Variants in ACSL3 observed in about 807,000 individuals in gnomAD.
ACSL3 encodes the protein acyl-CoA synthetase long chain family member 3.
ACSL3 carries 34 observed loss-of-function variants against 84.7 expected under a neutral mutation model. The observed-to-expected ratio is 0.40, with a 90% CI of 0.31 to 0.53. ACSL3 has a LOEUF of 0.53. Among genes scored for constraint, ACSL3 ranks in the 20% least tolerant of loss-of-function variants. The probability of loss-of-function intolerance (pLI) is 0.48; values close to 1 mark genes in which losing one functional copy is unlikely to be tolerated. For synonymous variants in ACSL3, 315 were observed against 299.4 expected, an observed-to-expected ratio of 1.05 and a Z score of -0.54; for missense variants, 680 against 873.1, an observed-to-expected ratio of 0.78 and a Z score of 2.79.
chr2:222,879,504 G>A lies in ACSL3; in HGVS notation c.-206-8326G>A, dbSNP rs889709264. ...TCCCTGTTAGGCAGGAGTGAAGGAG[G>A]AATAAGAGCCTGGAGGGATTTATTC... On this transcript the variant is annotated intron_variant, in intron 1 of 16. Transcript: ENST00000357430. 3.9e-5 allele frequency among the ~76,000 whole-genome samples: 6 copies of A among 152,246 alleles called. No individual in the cohort carries two copies. The South Asian group carries it at 6.2e-4, about 16-fold the overall frequency.
chr2:222,923,272 T>A (rs951127912), intron 10 of ACSL3, 123 bp downstream of exon 10: 17 of 803,028 alleles, frequency 2.1e-5, no homozygotes, highest in Non-Finnish European at 2.2e-5. Flanking sequence ...CCTTATTGAT[T>A]ATAAATATTG....
chr2:222,879,591 T>C (rs1695538965), intron 1 of ACSL3, among the ~76,000 whole-genome samples: 1 of 152,218 alleles, frequency 6.6e-6, no homozygotes, highest in African/African-American at 2.4e-5. Flanking sequence ...ATTTTGACAG[T>C]CCTCTTAGCT....
At chr2:222,886,297 A>G (rs1163587866) in intron 1 of ACSL3, among the ~76,000 whole-genome samples, 2 of 151,338 alleles carry the variant, frequency 1.3e-5, no homozygotes, top group Admixed American at 6.6e-5. Context: ...TCATTCTTCA[A>G]CTCCCACTTA....
At chr2:222,931,248 T>A (rs1377516958) in intron 14 of ACSL3, among the ~76,000 whole-genome samples, 1 of 152,066 alleles carries the variant, frequency 6.6e-6, no homozygotes. Flanking sequence ...TAAAAGTTAA[T>A]GGCATTTCAG....
chr2:222,942,944 T>C lies in ACSL3; in HGVS notation c.*1290T>C, dbSNP rs1174068470. On this transcript the variant is annotated 3_prime_UTR_variant, in exon 17 of 17. Coordinates refer to ENST00000357430, the MANE Select transcript of ACSL3 (RefSeq NM_004457.5). ...TTCATTTATTACTGCTTGTCTGTTG[T>C]TATATCTGGATTATCAAAAGCAATA... 3 of 225,040 alleles carry C rather than the reference T, an allele frequency of 1.3e-5. No individual in the cohort carries two copies. The highest frequency in any genetic ancestry group is 2.2e-5 in the African/African-American group (1 of 44,908). The allele number at this position is 225,040 out of a possible 1,614,324, so 13.9% of individuals were successfully genotyped here.
chr2:222,876,989 T>G (rs745524553), intron 1 of ACSL3, among the ~76,000 whole-genome samples: 33 of 152,122 alleles, frequency 2.2e-4, no homozygotes, highest in Non-Finnish European at 4.4e-4. Context: ...GGATAGAGCA[T>G]AGTTTTTCTG....
At chr2:222,870,015 T>C (rs943604453) in intron 1 of ACSL3, among the ~76,000 whole-genome samples, 2 of 152,072 alleles carry the variant, frequency 1.3e-5, no homozygotes, top group African/African-American at 4.8e-5. Flanking sequence ...GGAGGAGCTT[T>C]GAAGGTCTGG....
chr2:222,923,405 A>G (rs1365892676), intron 10 of ACSL3, among the ~76,000 whole-genome samples: 1 of 152,230 alleles, frequency 6.6e-6, no homozygotes, highest in African/African-American at 2.4e-5. Flanking sequence ...CCTTCTTGTT[A>G]AAATAAAAAT....
Position 222,901,964 on chromosome 2 carries a change from A to AAG in ACSL3, c.-41+1184_-41+1185insAG, listed in dbSNP as rs57522671. The stretch of plus-strand genomic sequence containing the variant: ...GTCTCAAAAAAAAAAAAAAAAAAAA[A>AAG]GAACTCAAATATTGTTGAGGTAGCA... On this transcript the variant is annotated intron_variant, in intron 3 of 16. Coordinates refer to ENST00000357430, the MANE Select transcript of ACSL3 (RefSeq NM_004457.5). Among the ~76,000 whole-genome samples the AAG allele has an allele frequency of 2.0e-5, 2 of 99,456 alleles. 1 individual carries two copies. The highest frequency in any genetic ancestry group is 3.6e-5 in the Non-Finnish European group (2 of 55,488). 65.2% of individuals were successfully genotyped at this position (99,456 alleles called of 152,430 possible). A position where few individuals can be genotyped will look rare whatever the true frequency, so the allele number is the denominator to read the frequency against.
intron 1 of ACSL3, among the ~76,000 whole-genome samples, chr2:222,883,473 A>G (rs795884): frequency 0.82 from 125,013 of 152,146 alleles, 51,631 homozygotes; most frequent in East Asian, 0.97. Context: ...GTGAGCCACC[A>G]TGCCCAGCCA....
chr2:222,908,843 AT>A lies in ACSL3; in HGVS notation c.75del (p.Phe25LeufsTer5). 6.2e-7 allele frequency: 1 copy of A among 1,603,936 alleles called. No individual in the cohort carries two copies. The highest frequency in any genetic ancestry group is 8.5e-7 in the Non-Finnish European group (1 of 1,173,670). On this transcript the variant is annotated frameshift_variant, in exon 4 of 17. Coordinates refer to ENST00000357430, the MANE Select transcript of ACSL3 (RefSeq NM_004457.5). LOFTEE classifies it high-confidence loss of function. ...CATACCATCAACCCTATTCTTTTAT[AT>A]TTTATACATTTTCTAATATCACTTT... ...LKHTINPILL[Y>X]FIHFLISLYT... is the part of the protein sequence containing the mutation.
chr2:222,912,698 A>T (rs1358843446), intron 4 of ACSL3, among the ~76,000 whole-genome samples: 1 of 151,868 alleles, frequency 6.6e-6, no homozygotes, highest in Admixed American at 6.6e-5. Context: ...TCCTGAGGGG[A>T]GGATGAGTGG....
intron 3 of ACSL3, among the ~76,000 whole-genome samples, chr2:222,905,784 T>C (rs956294652): frequency 6.6e-6 from 1 of 152,068 alleles, no homozygotes; most frequent in Non-Finnish European, 1.5e-5. Context: ...TCATCAGCTG[T>C]GCATGAGCAA....
At chr2:222,873,121 T>C (rs910122613) in intron 1 of ACSL3, among the ~76,000 whole-genome samples, 1 of 152,216 alleles carries the variant, frequency 6.6e-6, no homozygotes, top group Non-Finnish European at 1.5e-5. Context: ...AGTTTAAATT[T>C]TATTATTACA....
chr2:222,937,399 A>T (rs184774869), intron 16 of ACSL3, among the ~76,000 whole-genome samples: 1 of 152,212 alleles, frequency 6.6e-6, no homozygotes, highest in African/African-American at 2.4e-5. Flanking sequence ...ATGAAAGTGG[A>T]GTATTGAAGT....
At chr2:222,884,996 T>C (rs1231857278) in intron 1 of ACSL3, among the ~76,000 whole-genome samples, 1 of 152,246 alleles carries the variant, frequency 6.6e-6, no homozygotes, top group Non-Finnish European at 1.5e-5. Context: ...TTTTGCCACG[T>C]TAAAGTGATT....
intron 14 of ACSL3, among the ~76,000 whole-genome samples, chr2:222,931,361 C>T (rs534787280): frequency 5.3e-5 from 8 of 150,186 alleles, no homozygotes; most frequent in East Asian, 3.9e-4. Context: ...TTGCAGCAAG[C>T]GGAGATCGCG....
At position 222,861,040 on chromosome 2, in the gene ACSL3, G is replaced by A. The variant is rs1165307867; in HGVS notation, c.-425G>A. 6.6e-6 allele frequency: 1 copy of A among 152,290 alleles called. No individual in the cohort carries two copies. Among genetic ancestry groups the A allele is most frequent in the Non-Finnish European group, 1.5e-5 (1 of 68,102 alleles). The allele number at this position is 152,290 out of a possible 1,614,324, so 9.4% of individuals were successfully genotyped here. ...TCCCAGGCGGTTCCGCTCAACAGACGCTGCTGTGGCTGCGCCGGGCTGCGA... is the reference window on the plus strand; with the variant it reads ...TCCCAGGCGGTTCCGCTCAACAGACACTGCTGTGGCTGCGCCGGGCTGCGA... On this transcript the variant is annotated 5_prime_UTR_variant, in exon 1 of 17. Transcript: ENST00000357430.
chr2:222,921,311 A>C lies in ACSL3; in HGVS notation c.837A>C (p.Ser279=). ...AACCTCATAGCAAACCATTGCCCTC[A>C]GATATTGCAGTAATCATGTACACAA... is the stretch of plus-strand genomic sequence containing the variant. ...ENQPHSKPLP[S]DIAVIMYTSG... The change falls in exon 8 of 17, where the codon TCA becomes TCC. Residue 279 remains serine (S), a synonymous_variant. Coordinates refer to ENST00000357430, the MANE Select transcript of ACSL3 (RefSeq NM_004457.5). The C allele has an allele frequency of 6.3e-7, 1 of 1,598,676 alleles. No individual in the cohort carries two copies. The highest frequency in any genetic ancestry group is 8.6e-7 in the Non-Finnish European group (1 of 1,167,146).
Sources: allele counts gnomAD v4.1 joint callset (sites outside exome capture counted in the v4.1 genomes callset), GRCh38; gene constraint gnomAD v4.1.1; transcripts MANE v1.5; gene names NCBI Gene and HGNC (gene_info 2026-07-23, HGNC 2026-07-21).